The following AJM1 variants were observed in gnomAD, a reference collection of about 807,000 sequenced individuals.
AJM1 encodes the protein apical junction component 1 homolog, also known as uncharacterized protein C9orf172.
AJM1 carries 22 observed loss-of-function variants against 43.0 expected under a neutral mutation model. The observed-to-expected ratio is 0.51, with a 90% CI of 0.37 to 0.73. The LOEUF (loss-of-function observed/expected upper bound fraction) is 0.73, where lower values mean the gene tolerates loss of function less well. Among genes scored for constraint, AJM1 ranks in the 30% least tolerant of loss-of-function variants. The pLI is 0.00. For synonymous variants in AJM1, 719 were observed against 638.3 expected (o/e 1.13, Z -1.91); for missense variants, 1,305 against 1,343.3 (o/e 0.97, Z 0.45).
Position 136,844,425 on chromosome 9 carries a change from C to T in AJM1, c.11C>T (p.Thr4Met). The change falls in exon 3 of 3, where the codon ACG (threonine) becomes ATG (methionine). Residue 4 changes from threonine (T) to methionine (M), a missense_variant. Thr to Met is a moderately conservative substitution (Grantham distance 81). This residue lies in a region of AJM1 where 128 missense variants were observed against 120.6 expected (regional missense o/e 1.06). Transcript: ENST00000436881. ...GGGACCTCTTTTAAGATGACCCGTA[C>T]GGACCCTCCGGACCTGCTGGTGTCG... MTRTDPPDLLVSTV... is the reference protein window; with the variant it reads MTRMDPPDLLVSTV... 1 of 1,611,330 alleles carries T rather than the reference C, an allele frequency of 6.2e-7. No homozygotes were observed. The highest frequency in any genetic ancestry group is 8.5e-7 in the Non-Finnish European group (1 of 1,178,908).
chr9:136,844,585 G>C lies in AJM1; in HGVS notation c.171G>C (p.Glu57Asp), dbSNP rs769718857. The stretch of plus-strand genomic sequence containing the variant: ...ACTGCCGCAGCTTCGACTTCCTGGA[G>C]GCGCTGGACGGGCCGGCCATGGAGA... ...KRHCRSFDFLEALDGPAMETL... is the reference protein window; with the variant it reads ...KRHCRSFDFLDALDGPAMETL... The change falls in exon 3 of 3, where the codon GAG becomes GAC. Residue 57 changes from glutamate (E) to aspartate (D), a missense_variant. Coordinates refer to ENST00000436881, the MANE Select transcript of AJM1 (RefSeq NM_001080482.5). 1 of 1,590,660 alleles carries C rather than the reference G, an allele frequency of 6.3e-7. No homozygotes were observed. The highest frequency in any genetic ancestry group is 8.5e-7 in the Non-Finnish European group (1 of 1,170,440).
In AJM1 at chr9:136,844,650, G is replaced by T; in HGVS notation, c.236G>T (p.Arg79Leu). 1 of 1,499,774 alleles carries T rather than the reference G, an allele frequency of 6.7e-7. No individual in the cohort carries two copies. The allele number at this position is 1,499,774 out of a possible 1,614,324, so 92.9% of individuals were successfully genotyped here. A position where few individuals can be genotyped will look rare whatever the true frequency, so the allele number is the denominator to read the frequency against. Residue 79 changes from arginine (R) to leucine (L), a missense_variant, in exon 3 of 3, where the codon CGC becomes CTC. By Grantham distance (102) the Arg-to-Leu change is moderately radical. Transcript: ENST00000436881. The stretch of plus-strand genomic sequence containing the variant: ...CCGCCGCCGGAGTCCGCTGTGCCGC[G>T]CGCCCGGACCCGCGAAGCCGAGCCA... ...EPPPPESAVP[R>L]ARTREAEPRR...
Position 136,846,155 on chromosome 9 carries a change from G to T in AJM1, c.1741G>T (p.Asp581Tyr). The change falls in exon 3 of 3, where the codon GAC (aspartate) becomes TAC (tyrosine). Residue 581 changes from aspartate to tyrosine, a missense_variant. This residue lies in a region of AJM1 where 391 missense variants were observed against 507.5 expected (regional missense o/e 0.77). Transcript: ENST00000436881. Reference protein sequence around the residue: ...SGRQRSLEQLDELITDLVIDS... With the variant: ...SGRQRSLEQLYELITDLVIDS... ...CCGCCAGCGGAGCCTAGAGCAGCTG[G>T]ACGAGCTCATCACGGACCTGGTCAT... 1 of 1,527,776 alleles carries T rather than the reference G, an allele frequency of 6.5e-7. No individual in the cohort carries two copies. The highest frequency in any genetic ancestry group is 8.7e-7 in the Non-Finnish European group (1 of 1,143,416). The allele number at this position is 1,527,776 out of a possible 1,614,324, so 94.6% of individuals were successfully genotyped here. A position where few individuals can be genotyped will look rare whatever the true frequency, so the allele number is the denominator to read the frequency against.
chr9:136,847,760 C>T lies in AJM1; in HGVS notation c.*415C>T, dbSNP rs1370462720. ...CTCGGAGGGGTCACTACTGCACAGA[C>T]CCCACCCGTAGAGATCCGGTCCCCG... On this transcript the variant is annotated 3_prime_UTR_variant, in exon 3 of 3. Coordinates refer to ENST00000436881, the MANE Select transcript of AJM1 (RefSeq NM_001080482.5). 5.7e-6 allele frequency: 1 copy of T among 175,370 alleles called. No homozygotes were observed. The highest frequency in any genetic ancestry group is 2.4e-5 in the African/African-American group (1 of 42,386). 10.9% of individuals were successfully genotyped at this position (175,370 alleles called of 1,614,324 possible). A position where few individuals can be genotyped will look rare whatever the true frequency, so the allele number is the denominator to read the frequency against.
At position 136,847,289 on chromosome 9, in the gene AJM1, G is replaced by A. The variant is rs1260161077; in HGVS notation, c.2875G>A (p.Glu959Lys). Residue 959 changes from glutamate to lysine, a missense_variant, in exon 3 of 3, where the codon GAG becomes AAG. This residue lies in a region of AJM1 where 116 missense variants were observed against 113.4 expected (regional missense o/e 1.02). Coordinates refer to ENST00000436881, the MANE Select transcript of AJM1 (RefSeq NM_001080482.5). Reference protein sequence around the residue: ...PFMCMIMAASEPRALDWVASA... With the variant: ...PFMCMIMAASKPRALDWVASA... ...CATGTGCATGATCATGGCCGCCTCC[G>A]AGCCGCGCGCGCTCGACTGGGTGGC... 3.2e-6 allele frequency: 5 copies of A among 1,558,510 alleles called. No homozygotes were observed. The highest frequency in any genetic ancestry group is 4.3e-6 in the Non-Finnish European group (5 of 1,157,898).
intron 1 of AJM1, among the ~76,000 whole-genome samples, chr9:136,843,418 T>C (rs1848728997): frequency 1.3e-5 from 2 of 152,126 alleles, no homozygotes; most frequent in African/African-American, 4.8e-5. Flanking sequence ...TGCAAAGCAG[T>C]GGGGCTTCCC....
At position 136,844,644 on chromosome 9, in the gene AJM1, T is replaced by A. The variant is rs1848741812; in HGVS notation, c.230T>A (p.Val77Glu). 6.6e-7 allele frequency: 1 copy of A among 1,513,322 alleles called. No homozygotes were observed. The highest frequency in any genetic ancestry group is 2.6e-5 in the East Asian group (1 of 38,336). 93.7% of individuals were successfully genotyped at this position (1,513,322 alleles called of 1,614,324 possible). ...GAGCCACCGCCGCCGGAGTCCGCTG[T>A]GCCGCGCGCCCGGACCCGCGAAGCC... ...LPEPPPPESAVPRARTREAEP... is the reference protein window; with the variant it reads ...LPEPPPPESAEPRARTREAEP... The change falls in exon 3 of 3, where the codon GTG becomes GAG. Residue 77 changes from valine (V) to glutamate (E), a missense_variant. This residue lies in a region of AJM1 where 128 missense variants were observed against 120.6 expected (regional missense o/e 1.06). Coordinates refer to ENST00000436881, the MANE Select transcript of AJM1 (RefSeq NM_001080482.5).
In AJM1 at chr9:136,845,247, C is replaced by G. The variant is rs745910968; in HGVS notation, c.833C>G (p.Pro278Arg). The change falls in exon 3 of 3, where the codon CCC becomes CGC. Residue 278 changes from proline to arginine, a missense_variant. Pro to Arg is a moderately radical substitution (Grantham distance 103, BLOSUM62 -2). Transcript: ENST00000436881. ...CTGCCCTTCACCACCCCGCCGGGCC[C>G]CACCCAGTTCTTCTATACAGAGGAG... ...RSLPFTTPPG[P>R]TQFFYTEEPQ... The G allele has an allele frequency of 4.3e-4, 695 of 1,602,248 alleles. No individual in the cohort carries two copies. Among genetic ancestry groups the G allele is most frequent in the Non-Finnish European group, 5.8e-4 (682 of 1,178,560 alleles).
chr9:136,845,416 C>T lies in AJM1; in HGVS notation c.1002C>T (p.Phe334=). The change falls in exon 3 of 3, where the codon TTC becomes TTT. Residue 334 remains phenylalanine, a synonymous_variant. Transcript: ENST00000436881. ...ACTACGCAGGAGAGGTGCGCACCTT[C>T]CCAATCCAGGAACCGCCCTCCCGCT... The part of the protein sequence containing the change: ...GGYYAGEVRT[F]PIQEPPSRSY... 3 of 1,612,428 alleles carry T rather than the reference C, an allele frequency of 1.9e-6. No individual in the cohort carries two copies. Among genetic ancestry groups the T allele is most frequent in the Admixed American group, 1.7e-5 (1 of 60,020 alleles).
Position 136,847,391 on chromosome 9 carries a change from G to A in AJM1, c.*46G>A, listed in dbSNP as rs1305164581. 13 of 1,387,188 alleles carry A rather than the reference G, an allele frequency of 9.4e-6. No homozygotes were observed. The highest frequency in any genetic ancestry group is 1.2e-5 in the Non-Finnish European group (13 of 1,065,200). 85.9% of individuals were successfully genotyped at this position (1,387,188 alleles called of 1,614,324 possible). A position where few individuals can be genotyped will look rare whatever the true frequency, so the allele number is the denominator to read the frequency against. ...TAGCCCAGGCGCTGGCCCGAACCCTGCCCTGCCCACTCAGGCCCCGCCCGG... is the reference window on the plus strand; with the variant it reads ...TAGCCCAGGCGCTGGCCCGAACCCTACCCTGCCCACTCAGGCCCCGCCCGG... On this transcript the variant is annotated 3_prime_UTR_variant, in exon 3 of 3. Coordinates refer to ENST00000436881, the MANE Select transcript of AJM1 (RefSeq NM_001080482.5).
At position 136,847,150 on chromosome 9, in the gene AJM1, C is replaced by T. The variant is rs773427299; in HGVS notation, c.2736C>T (p.Phe912=). The change falls in exon 3 of 3, where the codon TTC becomes TTT. Residue 912 remains phenylalanine (F), a synonymous_variant. Transcript: ENST00000436881. ...GCGAGCTGCGGCTGCGCGGCGTCTT[C>T]CTGCGCCACGAGTTCCCGCGCGTCT... is the stretch of plus-strand genomic sequence containing the variant. The part of the protein sequence containing the change: ...IQRELRLRGV[F]LRHEFPRVYE... The T allele has an allele frequency of 8.8e-6, 14 of 1,599,404 alleles. No individual in the cohort carries two copies. Among genetic ancestry groups the T allele is most frequent in the South Asian group, 2.2e-5 (2 of 90,736 alleles).
chr9:136,845,003 C>G lies in AJM1; in HGVS notation c.589C>G (p.Leu197Val). ...GGACATCAAGCCAGACGACGCAGTGCTCCAGCACGCCACCCGGGGCTCGCG... is the reference window on the plus strand; with the variant it reads ...GGACATCAAGCCAGACGACGCAGTGGTCCAGCACGCCACCCGGGGCTCGCG... The part of the protein sequence containing the change: ...RLDIKPDDAV[L>V]QHATRGSRSC... The change falls in exon 3 of 3, where the codon CTC becomes GTC. Residue 197 changes from leucine (L) to valine (V), a missense_variant. Around this residue, in one of 6 missense-constraint regions of AJM1, gnomAD observed 653 missense variants for 549.1 expected, o/e 1.19. Coordinates refer to ENST00000436881, the MANE Select transcript of AJM1 (RefSeq NM_001080482.5). The G allele has an allele frequency of 1.5e-6, 1 of 659,816 alleles. No individual in the cohort carries two copies. Among genetic ancestry groups the G allele is most frequent in the Non-Finnish European group, 2.6e-6 (1 of 383,288 alleles). 40.9% of individuals were successfully genotyped at this position (659,816 alleles called of 1,614,324 possible). A position where few individuals can be genotyped will look rare whatever the true frequency, so the allele number is the denominator to read the frequency against.
chr9:136,845,362 G>C lies in AJM1; in HGVS notation c.948G>C (p.Ser316=), dbSNP rs755149242. 2 of 1,612,396 alleles carry C rather than the reference G, an allele frequency of 1.2e-6. No individual in the cohort carries two copies. The highest frequency in any genetic ancestry group is 1.7e-6 in the Non-Finnish European group (2 of 1,179,814). ...GGCCCTATCCGTCCGAGGAGCTCTC[G>C]GGGCCCAGTCCAAGGCGCATGGGCG... ...YPRPYPSEEL[S]GPSPRRMGGY... Residue 316 remains serine (S), a synonymous_variant, in exon 3 of 3, where the codon TCG becomes TCC. Transcript: ENST00000436881.
chr9:136,848,227 C>G lies in AJM1; in HGVS notation c.*882C>G, dbSNP rs1489937702. ...TGACACCTGGCTAGGAGAGGAAGGA[C>G]CAAGGGACGGGGCGTTCCCAGGTGG... On this transcript the variant is annotated 3_prime_UTR_variant, in exon 3 of 3. Transcript: ENST00000436881. The G allele has an allele frequency of 6.6e-6, 1 of 152,656 alleles. No individual in the cohort carries two copies. Among genetic ancestry groups the G allele is most frequent in the Non-Finnish European group, 1.5e-5 (1 of 68,332 alleles). 9.5% of individuals were successfully genotyped at this position (152,656 alleles called of 1,614,324 possible).
At chr9:136,843,392 G>A (rs1184636067) in intron 1 of AJM1, among the ~76,000 whole-genome samples, 4 of 152,248 alleles carry the variant, frequency 2.6e-5, no homozygotes, top group African/African-American at 7.2e-5. Context: ...TGAGCGAAAT[G>A]GGGAGGGCCC....
chr9:136,845,812 C>G lies in AJM1; in HGVS notation c.1398C>G (p.Gly466=), dbSNP rs748225899. The G allele has an allele frequency of 1.5e-5, 24 of 1,566,966 alleles. No homozygotes were observed. The South Asian group carries it at 2.8e-4, about 18-fold the overall frequency. The change falls in exon 3 of 3, where the codon GGC becomes GGG. Residue 466 remains glycine (G), a synonymous_variant. Transcript: ENST00000436881. ...GPRREDPLGR[G]RSYENLLGRE... ...GCCGAGAAGACCCGTTGGGCCGCGG[C>G]CGCAGCTACGAGAACCTGCTGGGGC...
intron 1 of AJM1, among the ~76,000 whole-genome samples, chr9:136,842,908 C>T (rs796330953): frequency 6.6e-6 from 1 of 151,934 alleles, no homozygotes; most frequent in Non-Finnish European, 1.5e-5. Flanking sequence ...AGCCTCACAC[C>T]CTGTCATCCG....
At position 136,847,411 on chromosome 9, in the gene AJM1, G is replaced by T; in HGVS notation, c.*66G>T. 3 of 1,299,416 alleles carry T rather than the reference G, an allele frequency of 2.3e-6. No individual in the cohort carries two copies. In the South Asian group the frequency reaches 5.0e-5, roughly 22 times the overall value. The allele number at this position is 1,299,416 out of a possible 1,614,324, so 80.5% of individuals were successfully genotyped here. On this transcript the variant is annotated 3_prime_UTR_variant, in exon 3 of 3. Transcript: ENST00000436881. ...ACCCTGCCCTGCCCACTCAGGCCCC[G>T]CCCGGCCCACCCAGGGCCGCCCCCG...
At position 136,846,320 on chromosome 9, in the gene AJM1, G is replaced by A; in HGVS notation, c.1906G>A (p.Ala636Thr). Residue 636 changes from alanine (A) to threonine (T), a missense_variant, in exon 3 of 3, where the codon GCC becomes ACC. Physicochemically the swap from Ala to Thr is moderately conservative, Grantham distance 58. Transcript: ENST00000436881. ...GCCGCCACGCTCGCCCCCCGCCTCGGCCGGCAGCGCCGAGGAGCCCGCGGC... is the reference window on the plus strand; with the variant it reads ...GCCGCCACGCTCGCCCCCCGCCTCGACCGGCAGCGCCGAGGAGCCCGCGGC... The part of the protein sequence containing the change: ...LAPPRSPPAS[A>T]GSAEEPAAPG... The A allele has an allele frequency of 8.2e-7, 1 of 1,214,152 alleles. No homozygotes were observed. Among genetic ancestry groups the A allele is most frequent in the South Asian group, 3.2e-5 (1 of 31,094 alleles). The allele number at this position is 1,214,152 out of a possible 1,614,324, so 75.2% of individuals were successfully genotyped here. A position where few individuals can be genotyped will look rare whatever the true frequency, so the allele number is the denominator to read the frequency against.
Sources: gnomAD v4.1 joint callset for allele counts (sites outside exome capture counted in the v4.1 genomes callset) on GRCh38, gnomAD v4.1.1 for gene constraint, gnomAD v4.1.1 regional missense constraint, MANE v1.5 for transcripts, NCBI Gene and HGNC (gene_info 2026-07-23, HGNC 2026-07-21) for gene names.